The following MMD variants were observed in gnomAD, a reference collection of about 807,000 sequenced individuals.
MMD encodes monocyte to macrophage differentiation factor.
MMD carries 22 observed loss-of-function variants against 33.6 expected under a neutral mutation model. The observed-to-expected ratio is 0.66, with a 90% confidence interval of 0.47 to 0.94. The LOEUF (loss-of-function observed/expected upper bound fraction) is 0.94, where lower values mean the gene tolerates loss of function less well. Among genes scored for constraint, MMD ranks in the 40% least tolerant of loss-of-function variants. The pLI, the probability that MMD is intolerant of heterozygous loss-of-function variation, is 0.00. For synonymous variants in MMD, 97 were observed against 103.2 expected (o/e 0.94, Z 0.36); for missense variants, 242 against 309.8 (o/e 0.78, Z 1.64).
At chr17:55,409,390 G>T (rs1235179365) in intron 3 of MMD, among the ~76,000 whole-genome samples, 2 of 152,140 alleles carry the variant, frequency 1.3e-5, no homozygotes, top group Non-Finnish European at 2.9e-5. Flanking sequence ...CTGTTTTCTA[G>T]ATTGTCATAC....
At chr17:55,409,064 TAAAAA>T (rs751143140) in intron 3 of MMD, among the ~76,000 whole-genome samples, 9 of 151,176 alleles carry the variant, frequency 6.0e-5, no homozygotes, top group Admixed American at 1.3e-4. Flanking sequence ...AAATTAAAAA[TAAAAA>T]AAAAGTTTTA....
At chr17:55,421,637 C>A (rs368073061) in intron 1 of MMD, 33 bp downstream of exon 1, 3 of 1,598,656 alleles carry the variant, frequency 1.9e-6, no homozygotes, top group Non-Finnish European at 2.6e-6. Flanking sequence ...GCTTCTGACA[C>A]GGGCAGCGGG....
At chr17:55,417,682 C>T (rs1469939290) in intron 1 of MMD, among the ~76,000 whole-genome samples, 1 of 152,112 alleles carries the variant, frequency 6.6e-6, no homozygotes, top group Non-Finnish European at 1.5e-5. Context: ...CCTGTAGCCC[C>T]AGCTACTTCT....
At position 55,417,892 on chromosome 17, in the gene MMD, A is replaced by G. The variant is rs185005164; in HGVS notation, c.27-3660T>C. On this transcript the variant is annotated intron_variant, in intron 1 of 6. Coordinates refer to ENST00000262065, the MANE Select transcript of MMD (RefSeq NM_012329.3). ...GGCTTCCCAAAGTGCTTACGATAGC[A>G]CTGTAACACAGTGTTCAGAGGCCCA... Among the ~76,000 whole-genome samples the G allele has an allele frequency of 2.0e-5, 3 of 152,288 alleles. No homozygotes were observed. In the East Asian group the frequency reaches 5.8e-4, roughly 29 times the overall value.
intron 4 of MMD, among the ~76,000 whole-genome samples, chr17:55,405,378 A>G (rs1318817244): frequency 9.5e-6 from 1 of 105,456 alleles, no homozygotes; most frequent in African/African-American, 2.8e-5. Flanking sequence ...TCCGTCTCAA[A>G]GAAAAAAAAA....
chr17:55,420,124 G>A (rs1908121370), intron 1 of MMD: 1 of 152,102 alleles, frequency 6.6e-6, no homozygotes, highest in East Asian at 1.9e-4. Flanking sequence ...CAAAGGTATA[G>A]GTAAGAATGA....
At position 55,392,903 on chromosome 17, in the gene MMD, T is replaced by C. The variant is rs888591708; in HGVS notation, c.*1431A>G. ...ATAATTCATCAAAATCAGAGAGTTC[T>C]AAACATATACAAAATAAACCTCTTT... On this transcript the variant is annotated 3_prime_UTR_variant, in exon 7 of 7. Coordinates refer to ENST00000262065, the MANE Select transcript of MMD (RefSeq NM_012329.3). 7.9e-5 allele frequency: 12 copies of C among 152,146 alleles called. No individual in the cohort carries two copies. Among genetic ancestry groups the C allele is most frequent in the Non-Finnish European group, 1.8e-4 (12 of 68,014 alleles). 9.4% of individuals were successfully genotyped at this position (152,146 alleles called of 1,614,324 possible).
At position 55,421,671 on chromosome 17, in the gene MMD, G is replaced by C; in HGVS notation, c.25C>G (p.Arg9Gly). 1 of 1,597,310 alleles carries C rather than the reference G, an allele frequency of 6.3e-7. No homozygotes were observed. The part of the protein sequence containing the change: MRFKNRFQ[R>G]FMNHRAPANG... ...GGACCGGGACGCCATCCCTCTCACC[G>C]CTGGAATCGATTCTTGAACCGCATT... The change falls in exon 1 of 7, where the codon CGG becomes GGG. Residue 9 changes from arginine (R) to glycine (G), a missense_variant and splice_region_variant. Coordinates refer to ENST00000262065, the MANE Select transcript of MMD (RefSeq NM_012329.3).
chr17:55,416,948 A>C (rs1907988756), intron 1 of MMD, among the ~76,000 whole-genome samples: 1 of 151,248 alleles, frequency 6.6e-6, no homozygotes, highest in Non-Finnish European at 1.5e-5. Flanking sequence ...CTCTTTCAAA[A>C]CTCTCCTGCC....
In MMD at chr17:55,411,404, G is replaced by A. The variant is rs185564781; in HGVS notation, c.122C>T (p.Pro41Leu). Residue 41 changes from proline to leucine, a missense_variant, in exon 3 of 7, where the codon CCG becomes CTG. Coordinates refer to ENST00000262065, the MANE Select transcript of MMD (RefSeq NM_012329.3). ...GAGGAGGGCACTGCCCACGATGGCC[G>A]GAACAATGAGGAACTGAGGGAAAGA... is the stretch of plus-strand genomic sequence containing the variant. ...NCYTHAFLIVPAIVGSALLHR... is the reference protein window; with the variant it reads ...NCYTHAFLIVLAIVGSALLHR... 61 of 1,610,814 alleles carry A rather than the reference G, an allele frequency of 3.8e-5. No homozygotes were observed. Among genetic ancestry groups the A allele is most frequent in the Middle Eastern group, 1.7e-4 (1 of 6,042 alleles).
chr17:55,406,081 A>T (rs1907532238), intron 4 of MMD, among the ~76,000 whole-genome samples: 1 of 152,242 alleles, frequency 6.6e-6, no homozygotes, highest in African/African-American at 2.4e-5. Flanking sequence ...CTTGAGGTGA[A>T]TTGAAGACAA....
chr17:55,394,329 A>G lies in MMD; in HGVS notation c.*5T>C. 1 of 1,365,434 alleles carries G rather than the reference A, an allele frequency of 7.3e-7. No individual in the cohort carries two copies. The highest frequency in any genetic ancestry group is 9.5e-7 in the Non-Finnish European group (1 of 1,051,738). 84.6% of individuals were successfully genotyped at this position (1,365,434 alleles called of 1,614,324 possible). On this transcript the variant is annotated 3_prime_UTR_variant, in exon 7 of 7. Transcript: ENST00000262065. ...ATACTGGTTTGGAGAATTAGTACAG[A>G]TTGGTCATAAATGCCGCATAAAGTC... is the stretch of plus-strand genomic sequence containing the variant.
At chr17:55,420,247 A>C (rs552548971) in intron 1 of MMD, 62 of 152,330 alleles carry the variant, frequency 4.1e-4, no homozygotes, top group Non-Finnish European at 5.9e-5. Flanking sequence ...AACCGCATGC[A>C]CAGGGCTTCA....
chr17:55,413,824 G>A (rs934532219), intron 2 of MMD, among the ~76,000 whole-genome samples: 15 of 152,164 alleles, frequency 9.9e-5, no homozygotes, highest in Admixed American at 7.9e-4. Context: ...TTGAAAAGGC[G>A]ATTCATTTCA....
chr17:55,421,700 C>A lies in MMD; in HGVS notation c.-5G>T. Reference sequence around the variant, plus strand: ...GAATCGATTCTTGAACCGCATTGATCCTCTGCTCCTCCTCGGGGGCCAGGA... The same window carrying A: ...GAATCGATTCTTGAACCGCATTGATACTCTGCTCCTCCTCGGGGGCCAGGA... On this transcript the variant is annotated 5_prime_UTR_variant, in exon 1 of 7. Transcript: ENST00000262065. The A allele has an allele frequency of 9.4e-6, 15 of 1,588,740 alleles. No individual in the cohort carries two copies. Among genetic ancestry groups the A allele is most frequent in the Non-Finnish European group, 1.3e-5 (15 of 1,169,000 alleles).
chr17:55,401,654 A>C, intron 5 of MMD, 116 bp from the exon 6 acceptor site: 1 of 798,612 alleles, frequency 1.3e-6, no homozygotes, highest in Non-Finnish European at 1.9e-6. Context: ...TTAACTATTC[A>C]AATAAAACTT....
chr17:55,419,267 C>T lies in MMD; in HGVS notation c.26+2403G>A, dbSNP rs116929996. 2.7e-3 allele frequency among the ~76,000 whole-genome samples: 415 copies of T among 152,322 alleles called. 2 individuals carry two copies. The highest frequency in any genetic ancestry group is 4.5e-3 in the Non-Finnish European group (303 of 68,036). ...AATAAATATTAGCAGTTATTGCCAT[C>T]AATCAGAGATGCTATGAAGGGGAGA... is the stretch of plus-strand genomic sequence containing the variant. On this transcript the variant is annotated intron_variant, in intron 1 of 6. Coordinates refer to ENST00000262065, the MANE Select transcript of MMD (RefSeq NM_012329.3).
chr17:55,414,859 T>G (rs1159445047), intron 1 of MMD, among the ~76,000 whole-genome samples: 1 of 152,170 alleles, frequency 6.6e-6, no homozygotes, highest in Non-Finnish European at 1.5e-5. Flanking sequence ...TGTTTTCACC[T>G]TTGTTCTTCC....
At chr17:55,403,961 T>C (rs1283176918) in intron 4 of MMD, 93 bp from the exon 5 acceptor site, 1 of 1,022,488 alleles carries the variant, frequency 9.8e-7, no homozygotes, top group African/African-American at 1.6e-5. Flanking sequence ...AGTCTTAGGA[T>C]AAGAGCAGGA....
Sources: gnomAD v4.1 joint callset for allele counts (sites outside exome capture counted in the v4.1 genomes callset) on GRCh38, gnomAD v4.1.1 for gene constraint, MANE v1.5 for transcripts, NCBI Gene and HGNC (gene_info 2026-07-23, HGNC 2026-07-21) for gene names.